Variants in SMAP1 observed in about 807,000 individuals in gnomAD.
SMAP1 encodes the protein stromal membrane-associated protein 1.
SMAP1 carries 24 observed loss-of-function variants against 58.5 expected under a neutral mutation model. The observed-to-expected ratio is 0.41, with a 90% CI of 0.30 to 0.58. The LOEUF (loss-of-function observed/expected upper bound fraction) is 0.58. SMAP1 is among the 20% of genes least tolerant of loss of function. The pLI is 0.29. For missense variants in SMAP1, 563 were observed against 566.3 expected (o/e 0.99, Z 0.06); for synonymous variants, 216 against 196.6 (o/e 1.10, Z -0.82).
intron 4 of SMAP1, among the ~76,000 whole-genome samples, chr6:70,781,236 T>C (rs1393997203): frequency 3.3e-5 from 5 of 152,184 alleles, no homozygotes; most frequent in Admixed American, 3.3e-4. Context: ...ATTTTAAAGT[T>C]AAAATATTAA....
chr6:70,792,326 A>ATT (rs70990333), intron 5 of SMAP1, among the ~76,000 whole-genome samples: 13 of 140,214 alleles, frequency 9.3e-5, no homozygotes, highest in African/African-American at 1.3e-4. Context: ...CTCTTTACCT[A>ATT]TTTTTTTTTT....
At chr6:70,813,369 A>T (rs1258702614) in intron 6 of SMAP1, among the ~76,000 whole-genome samples, 2 of 152,144 alleles carry the variant, frequency 1.3e-5, no homozygotes, top group African/African-American at 4.8e-5. Flanking sequence ...ACAGCAATGA[A>T]TTGAAAATAA....
chr6:70,702,252 T>TA (rs34353636), intron 1 of SMAP1, among the ~76,000 whole-genome samples: 65,921 of 151,704 alleles, frequency 0.43, 14,679 homozygotes, highest in South Asian at 0.5. Flanking sequence ...TATGGGTTTA[T>TA]AGTTTTCAAT....
intron 1 of SMAP1, chr6:70,668,634 G>GC (rs1562081170): frequency 6.5e-7 from 1 of 1,535,834 alleles, no homozygotes; most frequent in Non-Finnish European, 8.7e-7. Context: ...CCTAGATGGA[G>GC]CCCTACCTGC....
chr6:70,860,089 T>G (rs757803644), intron 10 of SMAP1, 111 bp from the exon 11 acceptor site: 72 of 1,221,478 alleles, frequency 5.9e-5, no homozygotes, highest in Non-Finnish European at 7.8e-5. Flanking sequence ...TTTATTCCAG[T>G]GCTTGGACTA....
At chr6:70,760,996 T>C (rs922259297) in intron 3 of SMAP1, among the ~76,000 whole-genome samples, 2 of 152,064 alleles carry the variant, frequency 1.3e-5, no homozygotes, top group African/African-American at 4.8e-5. Context: ...ATGAGATCTA[T>C]TGTGTACCAA....
In SMAP1 at chr6:70,778,460, A is replaced by T. The variant is rs181160855; in HGVS notation, c.414+5035A>T. ...GAAATTCTTTTTCTGTATCTGTTGA[A>T]AAGATGATAAAGTTTTTGTCTTTCA... On this transcript the variant is annotated intron_variant, in intron 4 of 10. Coordinates refer to ENST00000370455, the MANE Select transcript of SMAP1 (RefSeq NM_001044305.3). 4.6e-5 allele frequency among the ~76,000 whole-genome samples: 7 copies of T among 152,356 alleles called. No homozygotes were observed. In the East Asian group the frequency reaches 1.3e-3, roughly 29 times the overall value.
chr6:70,763,624 A>G (rs116461100), intron 3 of SMAP1, among the ~76,000 whole-genome samples: 3,169 of 152,300 alleles, frequency 0.021, 126 homozygotes, highest in African/African-American at 0.071. Context: ...AGCTAGGTCT[A>G]TTGCACCAAA....
chr6:70,725,323 AACC>A (rs1252141198), intron 1 of SMAP1, among the ~76,000 whole-genome samples: 2 of 151,568 alleles, frequency 1.3e-5, no homozygotes, highest in Admixed American at 6.6e-5. Context: ...TCACCGTGTT[AACC>A]AGGATGGTCT....
At chr6:70,809,799 A>G (rs1486355360) in intron 6 of SMAP1, among the ~76,000 whole-genome samples, 1 of 152,210 alleles carries the variant, frequency 6.6e-6, no homozygotes, top group Non-Finnish European at 1.5e-5. Context: ...TTTTCCTCAA[A>G]TCTTTACATT....
chr6:70,771,255 C>T (rs565695730), intron 3 of SMAP1, among the ~76,000 whole-genome samples: 55 of 152,366 alleles, frequency 3.6e-4, no homozygotes, highest in African/African-American at 1.3e-3. Context: ...CAGCTGTGTG[C>T]TGGGAGCACC....
chr6:70,839,571 T>G (rs899220204), intron 7 of SMAP1, among the ~76,000 whole-genome samples: 2 of 152,012 alleles, frequency 1.3e-5, no homozygotes, highest in African/African-American at 4.8e-5. Context: ...GCAGGAGAAG[T>G]TAGGGAATGT....
chr6:70,860,301 A>C lies in SMAP1; in HGVS notation c.1371A>C (p.Ser457=), dbSNP rs779746245. The change falls in exon 11 of 11, where the codon TCA becomes TCC. Residue 457 remains serine (S), a synonymous_variant. Coordinates refer to ENST00000370455, the MANE Select transcript of SMAP1 (RefSeq NM_001044305.3). ...STTAGWSGSS[S]GQTLSTQLWK ...CAGCAGGATGGTCTGGAAGCTCATC[A>C]GGTCAGACTCTCAGCACACAACTGT... is the stretch of plus-strand genomic sequence containing the variant. 4 of 1,613,530 alleles carry C rather than the reference A, an allele frequency of 2.5e-6. No homozygotes were observed. The highest frequency in any genetic ancestry group is 1.7e-5 in the Admixed American group (1 of 59,818).
At chr6:70,800,997 T>G (rs1280278096) in intron 6 of SMAP1, among the ~76,000 whole-genome samples, 2 of 152,230 alleles carry the variant, frequency 1.3e-5, no homozygotes, top group Non-Finnish European at 2.9e-5. Context: ...TGTGTCTTTA[T>G]AGTAGCATGA....
Position 70,860,318 on chromosome 6 carries a change from C to G in SMAP1, c.1388C>G (p.Thr463Arg). Residue 463 changes from threonine (T) to arginine (R), a missense_variant, in exon 11 of 11, where the codon ACA becomes AGA. Coordinates refer to ENST00000370455, the MANE Select transcript of SMAP1 (RefSeq NM_001044305.3). ...SGSSSGQTLS[T>R]QLWK ...AGCTCATCAGGTCAGACTCTCAGCA[C>G]ACAACTGTGGAAATGAAAACTGCAA... 6.2e-7 allele frequency: 1 copy of G among 1,609,772 alleles called. No homozygotes were observed. The highest frequency in any genetic ancestry group is 8.5e-7 in the Non-Finnish European group (1 of 1,178,858).
chr6:70,829,506 T>C (rs1159305176), intron 6 of SMAP1, among the ~76,000 whole-genome samples: 2 of 150,278 alleles, frequency 1.3e-5, no homozygotes, highest in Non-Finnish European at 2.9e-5. Context: ...TAATTTTTGA[T>C]AGATAGAAAT....
chr6:70,833,431 T>C (rs1770444231), intron 6 of SMAP1, among the ~76,000 whole-genome samples: 2 of 152,242 alleles, frequency 1.3e-5, no homozygotes, highest in Admixed American at 1.3e-4. Context: ...AAGTAAATTT[T>C]AAAGTGATCA....
At chr6:70,851,684 A>G (rs1771190091) in intron 7 of SMAP1, among the ~76,000 whole-genome samples, 1 of 152,204 alleles carries the variant, frequency 6.6e-6, no homozygotes, top group African/African-American at 2.4e-5. Flanking sequence ...TCCTGCCCCC[A>G]GCCCTTATAA....
At chr6:70,718,173 A>C (rs984408538) in intron 1 of SMAP1, among the ~76,000 whole-genome samples, 3 of 152,192 alleles carry the variant, frequency 2.0e-5, no homozygotes, top group Non-Finnish European at 4.4e-5. Flanking sequence ...ATATTAAATT[A>C]AATTTTATCT....
Sources: gnomAD v4.1 joint callset for allele counts (sites outside exome capture counted in the v4.1 genomes callset) on GRCh38, gnomAD v4.1.1 for gene constraint, MANE v1.5 for transcripts, NCBI Gene and HGNC (gene_info 2026-07-23, HGNC 2026-07-21) for gene names.